Variants in PNPLA7 observed in about 807,000 individuals in gnomAD.
The protein encoded by PNPLA7 is patatin-like phospholipase domain-containing protein 7.
In PNPLA7, 153 loss-of-function variants were observed where a neutral mutation model predicts 161.7. The ratio of observed to expected loss-of-function variants is 0.95; its 90% CI spans 0.83 to 1.08. PNPLA7 has a LOEUF of 1.08. PNPLA7 is among the 50% of genes least tolerant of loss of function. The probability of loss-of-function intolerance (pLI) is 0.00; values close to 1 mark genes in which losing one functional copy is unlikely to be tolerated. For missense variants in PNPLA7, 1,739 were observed against 1,856.6 expected (o/e 0.94, Z 1.16); for synonymous variants, 809 against 782.1 (o/e 1.03, Z -0.57).
At chr9:137,546,616 C>T (rs1836541335) in intron 4 of PNPLA7, among the ~76,000 whole-genome samples, 1 of 152,132 alleles carries the variant, frequency 6.6e-6, no homozygotes, top group Non-Finnish European at 1.5e-5. Flanking sequence ...TTGGGTAAAA[C>T]ACACTGGATT....
chr9:137,502,737 C>CGGGGGG (rs1554767775), intron 14 of PNPLA7, among the ~76,000 whole-genome samples: 2 of 62,944 alleles, frequency 3.2e-5, no homozygotes, highest in African/African-American at 5.9e-5. Context: ...ACGGGGGGGA[C>CGGGGGG]GAGAGGGATG....
Position 137,543,716 on chromosome 9 carries a change from C to A in PNPLA7, c.365+8G>T. The A allele has an allele frequency of 6.2e-7, 1 of 1,613,938 alleles. No individual in the cohort carries two copies. The highest frequency in any genetic ancestry group is 8.5e-7 in the Non-Finnish European group (1 of 1,179,856). Reference sequence around the variant, plus strand: ...GGGGCAGGATGTGGTCTGAAGGACACACAGTACCTCTTGGCCAAAGACAGC... The same window carrying A: ...GGGGCAGGATGTGGTCTGAAGGACAAACAGTACCTCTTGGCCAAAGACAGC... On this transcript the variant is annotated splice_region_variant and intron_variant, in intron 5 of 34. Coordinates refer to ENST00000406427, the MANE Select transcript of PNPLA7 (RefSeq NM_001098537.3). This position sits in a 1 kb window ranked among gnomAD's most constrained non-coding sequence, Gnocchi z 6.9.
Position 137,461,920 on chromosome 9 carries a change from C to T in PNPLA7, c.3756+11G>A. On this transcript the variant is annotated intron_variant, in intron 32 of 34. Coordinates refer to ENST00000406427, the MANE Select transcript of PNPLA7 (RefSeq NM_001098537.3). ...CGGGGAGCTGGGCGTGGTCCGGACGCCCGTACTCACCGCACTCGCGGGCTT... is the reference window on the plus strand; with the variant it reads ...CGGGGAGCTGGGCGTGGTCCGGACGTCCGTACTCACCGCACTCGCGGGCTT... 1.3e-6 allele frequency: 2 copies of T among 1,552,132 alleles called. No individual in the cohort carries two copies. Among genetic ancestry groups the T allele is most frequent in the Non-Finnish European group, 8.7e-7 (1 of 1,154,130 alleles).
Position 137,479,106 on chromosome 9 carries a change from G to T in PNPLA7, c.2713C>A (p.His905Asn). The T allele has an allele frequency of 6.2e-7, 1 of 1,600,098 alleles. No individual in the cohort carries two copies. The highest frequency in any genetic ancestry group is 8.5e-7 in the Non-Finnish European group (1 of 1,174,346). Residue 905 changes from histidine (H) to asparagine (N), a missense_variant, in exon 24 of 35, where the codon CAC (histidine) becomes AAC (asparagine). His to Asn is a moderately conservative substitution (Grantham distance 68). This residue lies in a region of PNPLA7 where 703 missense variants were observed against 694.6 expected (regional missense o/e 1.01). Coordinates refer to ENST00000406427, the MANE Select transcript of PNPLA7 (RefSeq NM_001098537.3). ...NMRSWCSGHL[H>N]LCCPRRVFSR... ...AAGACGCGGCGCGGGCAGCAGAGGT[G>T]CAGGTGGCCGGAGCACCAGCTCCGC...
intron 12 of PNPLA7, among the ~76,000 whole-genome samples, chr9:137,508,567 C>CAA (rs35287833): frequency 1.4e-5 from 2 of 138,808 alleles, no homozygotes; most frequent in Admixed American, 7.4e-5. Context: ...GACTCTGTCT[C>CAA]AAAAAAAAAA....
chr9:137,525,796 C>T lies in PNPLA7; in HGVS notation c.748-2939G>A, dbSNP rs539384503. 1.0e-3 allele frequency among the ~76,000 whole-genome samples: 154 copies of T among 148,778 alleles called. 1 individual carries two copies. The highest frequency in any genetic ancestry group is 2.3e-3 in the Admixed American group (35 of 14,946). On this transcript the variant is annotated intron_variant, in intron 8 of 34. Coordinates refer to ENST00000406427, the MANE Select transcript of PNPLA7 (RefSeq NM_001098537.3). ...AAGAGGTGGTGGAGCAGAGTCTTCT[C>T]TAACTCCCCTGGCGAAACGAGACTC...
At position 137,464,406 on chromosome 9, in the gene PNPLA7, C is replaced by T. The variant is rs2132064447; in HGVS notation, c.3090G>A (p.Thr1030=). 4 of 1,613,958 alleles carry T rather than the reference C, an allele frequency of 2.5e-6. No homozygotes were observed. Among genetic ancestry groups the T allele is most frequent in the Non-Finnish European group, 3.4e-6 (4 of 1,179,994 alleles). Residue 1030 remains threonine (T), a synonymous_variant, in exon 27 of 35, where the codon ACG becomes ACA. Transcript: ENST00000406427. Reference sequence around the variant, plus strand: ...TGAAGCCGGCTCCGGAGAACATGGACGTGATGGGGTAGGTGAGGTCCAGCG... The same window carrying T: ...TGAAGCCGGCTCCGGAGAACATGGATGTGATGGGGTAGGTGAGGTCCAGCG... The part of the protein sequence containing the change: ...KAALDLTYPI[T]SMFSGAGFNS...
In PNPLA7 at chr9:137,467,169, C is replaced by A; in HGVS notation, c.3039+148G>T. On this transcript the variant is annotated intron_variant, in intron 26 of 34. Transcript: ENST00000406427. This position sits in a 1 kb window ranked among gnomAD's most constrained non-coding sequence, Gnocchi z 5.1. ...TTCTCTGTGGTGCTCCTTTGCCTCA[C>A]AAGCTGCACTGGGAGGCTTCAGGGG... is the stretch of plus-strand genomic sequence containing the variant. 1 of 1,150,372 alleles carries A rather than the reference C, an allele frequency of 8.7e-7. No individual in the cohort carries two copies. The highest frequency in any genetic ancestry group is 3.0e-4 in the Middle Eastern group (1 of 3,346). 71.3% of individuals were successfully genotyped at this position (1,150,372 alleles called of 1,614,324 possible).
rs2132049035 is a variant in PNPLA7 at position 137,461,825 on chromosome 9, T to TGTGGCCTGAGGAGCTGGGC, written c.3756+87_3756+105dup. 9 of 1,311,890 alleles carry TGTGGCCTGAGGAGCTGGGC rather than the reference T, an allele frequency of 6.9e-6. No individual in the cohort carries two copies. In the South Asian group the frequency reaches 1.3e-4, roughly 19 times the overall value. 81.3% of individuals were successfully genotyped at this position (1,311,890 alleles called of 1,614,324 possible). On this transcript the variant is annotated intron_variant, in intron 32 of 34. Transcript: ENST00000406427. ...AGTCTTTGGCCAGGGGGGCAGGGCCTGTGGCCTGAGGAGCTGGGCGTGGCC... is the reference window on the plus strand; with the variant it reads ...AGTCTTTGGCCAGGGGGGCAGGGCCTGTGGCCTGAGGAGCTGGGCGTGGCCTGAGGAGCTGGGCGTGGCC...
intron 20 of PNPLA7, chr9:137,491,499 T>C: frequency 2.0e-6 from 2 of 982,140 alleles, no homozygotes; most frequent in Non-Finnish European, 2.4e-6. Context: ...GAGCGAAGAG[T>C]CACATTACGT....
intron 30 of PNPLA7, 143 bp from the exon 31 acceptor site, chr9:137,462,474 G>A: frequency 2.8e-6 from 4 of 1,419,710 alleles, no homozygotes; most frequent in Non-Finnish European, 3.7e-6. Context: ...CCCGGCCGGG[G>A]GTCCTCCCTG....
chr9:137,543,390 A>G lies in PNPLA7; in HGVS notation c.506+42T>C, dbSNP rs1174007862. ...AGGCCCCAGCGAGAAGCCCGGGGCTATGGGAGCTGCCGCAGCCCCCGGGGC... is the reference window on the plus strand; with the variant it reads ...AGGCCCCAGCGAGAAGCCCGGGGCTGTGGGAGCTGCCGCAGCCCCCGGGGC... On this transcript the variant is annotated intron_variant, in intron 6 of 34. Coordinates refer to ENST00000406427, the MANE Select transcript of PNPLA7 (RefSeq NM_001098537.3). The surrounding 1 kb of genome is among the most constrained non-coding windows in gnomAD (Gnocchi z 6.9). The G allele has an allele frequency of 7.4e-6, 12 of 1,612,434 alleles. No homozygotes were observed. Among genetic ancestry groups the G allele is most frequent in the Non-Finnish European group, 1.0e-5 (12 of 1,179,420 alleles).
At chr9:137,539,185 A>G (rs1409314719) in intron 8 of PNPLA7, among the ~76,000 whole-genome samples, 1 of 152,074 alleles carries the variant, frequency 6.6e-6, no homozygotes, top group Non-Finnish European at 1.5e-5. Flanking sequence ...TCTACTAAAA[A>G]TACAAAAATT....
At chr9:137,495,680 A>C (rs1300861280) in intron 18 of PNPLA7, among the ~76,000 whole-genome samples, 1 of 152,082 alleles carries the variant, frequency 6.6e-6, no homozygotes, top group Non-Finnish European at 1.5e-5. Context: ...TCCTGACCTC[A>C]TGGTCCGCCG....
intron 14 of PNPLA7, among the ~76,000 whole-genome samples, chr9:137,502,562 G>C (rs1371728037): frequency 6.9e-6 from 1 of 145,030 alleles, no homozygotes; most frequent in African/African-American, 2.6e-5. Context: ...CTGACGGAGA[G>C]GCCGCATCGC....
chr9:137,471,160 CTA>C (rs1195090385), intron 25 of PNPLA7, among the ~76,000 whole-genome samples: 11 of 151,890 alleles, frequency 7.2e-5, no homozygotes, highest in African/African-American at 2.4e-5. Context: ...GAAAATTTAA[CTA>C]TGTGTCTAGA....
intron 26 of PNPLA7, among the ~76,000 whole-genome samples, chr9:137,465,337 G>A (rs924120725): frequency 2.6e-5 from 4 of 152,138 alleles, no homozygotes; most frequent in African/African-American, 4.8e-5. Context: ...ACCTTGCCCC[G>A]GCCAGTTCCC....
At chr9:137,518,411 GCTCACTCCATCCCCCACTCACTGAC>G (rs2132456089) in intron 11 of PNPLA7, among the ~76,000 whole-genome samples, 1 of 55,364 alleles carries the variant, frequency 1.8e-5, no homozygotes, top group African/African-American at 9.1e-5. Flanking sequence ...ACTCCACTCT[GCTCACTCCATCCCCCACTCACTGAC>G]TCCACTCCAT....
chr9:137,499,324 A>C lies in PNPLA7; in HGVS notation c.1758-1079T>G, dbSNP rs1417958785. Among the ~76,000 whole-genome samples, 1 of 151,772 alleles carries C rather than the reference A, an allele frequency of 6.6e-6. No individual in the cohort carries two copies. Among genetic ancestry groups the C allele is most frequent in the African/African-American group, 2.4e-5 (1 of 41,292 alleles). On this transcript the variant is annotated intron_variant, in intron 16 of 34. Coordinates refer to ENST00000406427, the MANE Select transcript of PNPLA7 (RefSeq NM_001098537.3). This position sits in a 1 kb window ranked among gnomAD's most constrained non-coding sequence, Gnocchi z 5.5. Reference sequence around the variant, plus strand: ...CATGCAGACACATGGAGACACACAGAGACACACGCAGACACACGACACACG... The same window carrying C: ...CATGCAGACACATGGAGACACACAGCGACACACGCAGACACACGACACACG...
Sources: gnomAD v4.1 joint callset for allele counts (sites outside exome capture counted in the v4.1 genomes callset) on GRCh38, gnomAD v4.1.1 for gene constraint, gnomAD v4.1.1 regional missense constraint, Gnocchi (gnomAD v3.1) non-coding constraint, MANE v1.5 for transcripts, NCBI Gene and HGNC (gene_info 2026-07-23, HGNC 2026-07-21) for gene names.